CDH12: variants seen among roughly 807,000 people sequenced by gnomAD.
CDH12 encodes cadherin 12.
A neutral mutation model predicts 74.1 loss-of-function variants in CDH12; 41 were observed. The observed-to-expected ratio is 0.55, with a 90% CI of 0.43 to 0.72. The LOEUF (loss-of-function observed/expected upper bound fraction) is 0.72. Ranked by LOEUF, CDH12 falls within the 30% of genes least tolerant of loss-of-function variation. The pLI is 0.00. For missense variants in CDH12, 945 were observed against 977.2 expected, an observed-to-expected ratio of 0.97 and a Z score of 0.44; for synonymous variants, 399 against 355.0, an observed-to-expected ratio of 1.12 and a Z score of -1.39.
intron 2 of CDH12, among the ~76,000 whole-genome samples, chr5:22,445,047 T>C (rs1025122399): frequency 1.3e-5 from 2 of 152,012 alleles, no homozygotes; most frequent in African/African-American, 4.8e-5. Context: ...ATAAAATAAA[T>C]GGATTAACAA....
chr5:22,039,195 C>T (rs1466634671), intron 5 of CDH12, among the ~76,000 whole-genome samples: 1 of 152,104 alleles, frequency 6.6e-6, no homozygotes, highest in Non-Finnish European at 1.5e-5. Flanking sequence ...TGAGTTGCCA[C>T]TGAGCCCTAT....
chr5:21,884,140 G>A (rs1579905705), intron 6 of CDH12: 1 of 1,527,014 alleles, frequency 6.5e-7, no homozygotes, highest in Non-Finnish European at 9.1e-7. Flanking sequence ...GTAGAAAAAG[G>A]AATTATTGAC....
At chr5:22,428,726 G>A (rs769397352) in intron 2 of CDH12, among the ~76,000 whole-genome samples, 9 of 152,150 alleles carry the variant, frequency 5.9e-5, no homozygotes, top group Non-Finnish European at 1.0e-4. Flanking sequence ...TGGAAAGCAG[G>A]TCTAACACAG....
intron 4 of CDH12, among the ~76,000 whole-genome samples, chr5:22,162,392 T>C (rs901231454): frequency 6.6e-6 from 1 of 152,218 alleles, no homozygotes; most frequent in African/African-American, 2.4e-5. Context: ...TCCTGGAGTC[T>C]GCAAGTAAAA....
At chr5:21,833,184 A>C (rs1427967905) in intron 8 of CDH12, among the ~76,000 whole-genome samples, 1 of 46,630 alleles carries the variant, frequency 2.1e-5, no homozygotes, top group Non-Finnish European at 3.0e-5. Context: ...AATATATATT[A>C]TATAACATAT....
At chr5:22,523,662 T>C (rs1737144732) in intron 1 of CDH12, among the ~76,000 whole-genome samples, 1 of 152,168 alleles carries the variant, frequency 6.6e-6, no homozygotes, top group Admixed American at 6.5e-5. Context: ...TCACTTCACT[T>C]CTCTCATCAC....
chr5:22,526,956 G>A (rs1737313804), intron 1 of CDH12, among the ~76,000 whole-genome samples: 2 of 152,198 alleles, frequency 1.3e-5, no homozygotes, highest in South Asian at 4.2e-4. Context: ...TGGGTTCAGA[G>A]ACCTGCAGTT....
intron 3 of CDH12, among the ~76,000 whole-genome samples, chr5:22,381,038 TAAAG>T (rs1322440917): frequency 2.6e-5 from 4 of 152,014 alleles, no homozygotes; most frequent in Non-Finnish European, 4.4e-5. Context: ...TCTGTGATAA[TAAAG>T]AAAACAAATT....
At chr5:22,463,800 T>G (rs982498734) in intron 2 of CDH12, among the ~76,000 whole-genome samples, 1 of 152,182 alleles carries the variant, frequency 6.6e-6, no homozygotes, top group Admixed American at 6.5e-5. Flanking sequence ...GATATTATTT[T>G]ATAATAATCA....
chr5:22,085,631 T>C (rs1315358060), intron 4 of CDH12, among the ~76,000 whole-genome samples: 4 of 152,050 alleles, frequency 2.6e-5, no homozygotes, highest in Non-Finnish European at 4.4e-5. Context: ...GCCCTTTAAT[T>C]TGAAATAGTA....
chr5:21,800,440 G>C (rs186385101), intron 10 of CDH12, among the ~76,000 whole-genome samples: 14 of 152,264 alleles, frequency 9.2e-5, no homozygotes, highest in Admixed American at 9.2e-4. Flanking sequence ...GCATTTGGGA[G>C]GTAATTAGTT....
At chr5:22,850,714 A>G (rs539778027) in intron 1 of CDH12, among the ~76,000 whole-genome samples, 37 of 152,084 alleles carry the variant, frequency 2.4e-4, no homozygotes, top group Non-Finnish European at 4.3e-4. Context: ...GACATCTGTA[A>G]TCACTCTTTC....
intron 1 of CDH12, among the ~76,000 whole-genome samples, chr5:22,659,076 A>C (rs1740214177): frequency 6.6e-6 from 1 of 152,188 alleles, no homozygotes; most frequent in Non-Finnish European, 1.5e-5. Context: ...TAGAAATAAA[A>C]ACAAGATGAT....
Position 22,149,650 on chromosome 5 carries a change from C to A in CDH12, c.-187+62848G>T, listed in dbSNP as rs1419907178. 5.3e-5 allele frequency among the ~76,000 whole-genome samples: 8 copies of A among 152,300 alleles called. No homozygotes were observed. In the East Asian group the frequency reaches 9.7e-4, roughly 18 times the overall value. The stretch of plus-strand genomic sequence containing the variant: ...CCTACATGAATGATCTAATCTCCAA[C>A]CTCAACAGACTTAAAGTCAGTAATA... On this transcript the variant is annotated intron_variant, in intron 4 of 14. Transcript: ENST00000382254.
intron 5 of CDH12, among the ~76,000 whole-genome samples, chr5:22,044,041 A>C (rs1296323417): frequency 6.6e-6 from 1 of 152,148 alleles, no homozygotes; most frequent in Non-Finnish European, 1.5e-5. Context: ...CAATGTAGTC[A>C]CTATGGAAAT....
chr5:22,317,749 TA>T lies in CDH12; in HGVS notation c.-333+87507del, dbSNP rs1243941392. Among the ~76,000 whole-genome samples, 23 of 152,192 alleles carry T rather than the reference TA, an allele frequency of 1.5e-4. 1 individual carries two copies. Among genetic ancestry groups the T allele is most frequent in the Admixed American group, 1.5e-3 (23 of 15,280 alleles). On this transcript the variant is annotated intron_variant, in intron 3 of 14. Coordinates refer to ENST00000382254, the MANE Select transcript of CDH12 (RefSeq NM_004061.5). ...CTCATGTCATAAATGGCACTAATAA[TA>T]GCATTTATAATAAAAATTAGTAATG...
At chr5:22,015,461 T>C (rs1189785325) in intron 5 of CDH12, among the ~76,000 whole-genome samples, 1 of 152,180 alleles carries the variant, frequency 6.6e-6, no homozygotes, top group Non-Finnish European at 1.5e-5. Flanking sequence ...TTTTTATCTC[T>C]GAAACTGAAC....
chr5:21,807,216 G>T (rs868808915), intron 9 of CDH12, among the ~76,000 whole-genome samples: 5 of 152,086 alleles, frequency 3.3e-5, no homozygotes, highest in Admixed American at 2.0e-4. Context: ...GCATGGGGGG[G>T]ACTGTATTTT....
intron 1 of CDH12, among the ~76,000 whole-genome samples, chr5:22,529,172 T>C (rs1208549560): frequency 9.9e-5 from 6 of 60,804 alleles, no homozygotes; most frequent in Non-Finnish European, 2.0e-4. Flanking sequence ...TGTGTATATA[T>C]ATATATATAT....
Sources: allele counts gnomAD v4.1 joint callset (sites outside exome capture counted in the v4.1 genomes callset), GRCh38; gene constraint gnomAD v4.1.1; transcripts MANE v1.5; gene names NCBI Gene and HGNC (gene_info 2026-07-23, HGNC 2026-07-21).